Variants in NRXN1 observed in about 807,000 individuals in gnomAD.
The protein encoded by NRXN1 is neurexin-1.
NRXN1 carries 39 observed loss-of-function variants against 150.9 expected under a neutral mutation model. That is an observed-to-expected ratio of 0.26 (90% CI 0.20 to 0.34). NRXN1 has a LOEUF of 0.34. NRXN1 is among the 10% of genes least tolerant of loss of function. NRXN1 has a pLI of 1.00. For synonymous variants in NRXN1, 924 were observed against 757.0 expected (o/e 1.22, Z -3.62); for missense variants, 1,815 against 1,949.9 (o/e 0.93, Z 1.30).
intron 8 of NRXN1, among the ~76,000 whole-genome samples, chr2:50,578,974 A>C (rs1346686238): frequency 6.6e-6 from 1 of 152,070 alleles, no homozygotes; most frequent in African/African-American, 2.4e-5. Flanking sequence ...TGTAACCATC[A>C]CTTCTTACCT....
At chr2:50,768,933 C>T (rs573942122) in intron 5 of NRXN1, among the ~76,000 whole-genome samples, 1 of 151,700 alleles carries the variant, frequency 6.6e-6, no homozygotes, top group Admixed American at 6.6e-5. Context: ...CACACACACA[C>T]ACATACACAC....
intron 17 of NRXN1, among the ~76,000 whole-genome samples, chr2:50,374,358 A>G (rs1020124831): frequency 6.6e-6 from 1 of 151,658 alleles, no homozygotes; most frequent in African/African-American, 2.4e-5. Context: ...TGATGATTTC[A>G]TTTGGCTTCC....
Position 50,465,578 on chromosome 2 carries a change from A to C in NRXN1, c.3245-17T>G, listed in dbSNP as rs766951383. 1 of 1,592,928 alleles carries C rather than the reference A, an allele frequency of 6.3e-7. No homozygotes were observed. The highest frequency in any genetic ancestry group is 1.1e-5 in the South Asian group (1 of 87,894). On this transcript the variant is annotated splice_polypyrimidine_tract_variant and intron_variant, in intron 16 of 22. Coordinates refer to ENST00000401669, the MANE Select transcript of NRXN1 (RefSeq NM_001330078.2). ...TGCTGGGCCCTGCAAAACAATCCAA[A>C]GGAAACTTGGGTTCTTTAAAAGAAT...
At chr2:50,754,285 T>TA (rs1281603215) in intron 5 of NRXN1, among the ~76,000 whole-genome samples, 1 of 151,868 alleles carries the variant, frequency 6.6e-6, no homozygotes, top group African/African-American at 2.4e-5. Context: ...TCATGATACA[T>TA]ATACACACAT....
chr2:50,458,707 G>A (rs1173056759), intron 17 of NRXN1, among the ~76,000 whole-genome samples: 1 of 151,864 alleles, frequency 6.6e-6, no homozygotes, highest in Non-Finnish European at 1.5e-5. Flanking sequence ...AGCCTCCTGA[G>A]TAGCTGGAAT....
At chr2:50,668,116 C>T (rs554305604) in intron 5 of NRXN1, among the ~76,000 whole-genome samples, 5 of 152,068 alleles carry the variant, frequency 3.3e-5, no homozygotes, top group African/African-American at 7.2e-5. Flanking sequence ...AATGTCTCAA[C>T]GTCTCCTTTC....
intron 18 of NRXN1, among the ~76,000 whole-genome samples, chr2:50,198,936 G>A: frequency 6.6e-6 from 1 of 152,116 alleles, no homozygotes; most frequent in Non-Finnish European, 1.5e-5. Flanking sequence ...CTACAAAGGT[G>A]TATGGCATGG....
At chr2:50,655,093 G>A (rs1559081106) in intron 5 of NRXN1, among the ~76,000 whole-genome samples, 1 of 151,772 alleles carries the variant, frequency 6.6e-6, no homozygotes, top group African/African-American at 2.4e-5. Context: ...GCAGTTATGT[G>A]GCCAATTTTA....
chr2:50,478,306 C>G (rs1255004199), intron 15 of NRXN1, among the ~76,000 whole-genome samples: 3 of 152,166 alleles, frequency 2.0e-5, no homozygotes, highest in Admixed American at 6.5e-5. Flanking sequence ...CTGCTCTAAT[C>G]TATTTGAGCT....
intron 2 of NRXN1, among the ~76,000 whole-genome samples, chr2:50,966,730 C>T (rs554240152): frequency 6.6e-6 from 1 of 151,760 alleles, no homozygotes; most frequent in Admixed American, 6.6e-5. Flanking sequence ...AGATTGGCTG[C>T]CAGTGGGGAG....
At chr2:50,865,148 A>T (rs1458859230) in intron 5 of NRXN1, among the ~76,000 whole-genome samples, 2 of 151,934 alleles carry the variant, frequency 1.3e-5, no homozygotes, top group African/African-American at 4.8e-5. Flanking sequence ...GAGCAATTGT[A>T]GTTCTAGGGT....
chr2:50,699,366 T>C (rs1291528837), intron 5 of NRXN1, among the ~76,000 whole-genome samples: 1 of 152,158 alleles, frequency 6.6e-6, no homozygotes, highest in Non-Finnish European at 1.5e-5. Flanking sequence ...GTAATTAATG[T>C]TATAGATCTA....
intron 17 of NRXN1, among the ~76,000 whole-genome samples, chr2:50,265,961 C>A (rs977299375): frequency 1.4e-5 from 2 of 139,400 alleles, no homozygotes; most frequent in Admixed American, 7.2e-5. Context: ...TTATTTATTT[C>A]TTTGTTATTA....
chr2:50,699,783 C>T (rs1030252593), intron 5 of NRXN1, among the ~76,000 whole-genome samples: 1 of 152,098 alleles, frequency 6.6e-6, no homozygotes, highest in Non-Finnish European at 1.5e-5. Context: ...GATACTCAGA[C>T]TTCTGACCTA....
chr2:50,411,236 C>G (rs548458788), intron 17 of NRXN1, among the ~76,000 whole-genome samples: 46 of 152,260 alleles, frequency 3.0e-4, no homozygotes, highest in African/African-American at 9.9e-4. Context: ...CCGTGTTGGC[C>G]GGGCTGGTCT....
intron 17 of NRXN1, among the ~76,000 whole-genome samples, chr2:50,258,851 A>T (rs1376173048): frequency 6.6e-6 from 1 of 152,024 alleles, no homozygotes; most frequent in African/African-American, 2.4e-5. Context: ...TATCTCCATC[A>T]TTGGGTGACA....
At chr2:51,026,505 T>C in intron 2 of NRXN1, 1 of 1,357,784 alleles carries the variant, frequency 7.4e-7, no homozygotes, top group Non-Finnish European at 1.0e-6. Context: ...GTATGACTTT[T>C]GTAGTTTAAT....
intron 5 of NRXN1, among the ~76,000 whole-genome samples, chr2:50,635,670 T>TA (rs933890310): frequency 6.6e-6 from 1 of 152,012 alleles, no homozygotes; most frequent in Non-Finnish European, 1.5e-5. Flanking sequence ...TTACTTTTGG[T>TA]AAAAAAAGCT....
At chr2:50,187,518 A>G (rs1462516868) in intron 18 of NRXN1, among the ~76,000 whole-genome samples, 1 of 152,128 alleles carries the variant, frequency 6.6e-6, no homozygotes, top group Non-Finnish European at 1.5e-5. Flanking sequence ...GAAATCAGGT[A>G]GCATGATGCC....
Sources: gnomAD v4.1 joint callset for allele counts (sites outside exome capture counted in the v4.1 genomes callset) on GRCh38, gnomAD v4.1.1 for gene constraint, MANE v1.5 for transcripts, NCBI Gene and HGNC (gene_info 2026-07-23, HGNC 2026-07-21) for gene names.